Variants in FRMD4B observed in about 807,000 individuals in gnomAD.
FRMD4B encodes the protein FERM domain containing 4B.
In FRMD4B, 74 loss-of-function variants were observed where a neutral mutation model predicts 141.5. That is an observed-to-expected ratio of 0.52 (90% CI 0.43 to 0.63). The LOEUF (loss-of-function observed/expected upper bound fraction) is 0.63. Ranked by LOEUF, FRMD4B falls within the 30% of genes least tolerant of loss-of-function variation. The pLI is 0.00. For synonymous variants in FRMD4B, 506 were observed against 467.9 expected, an observed-to-expected ratio of 1.08 and a Z score of -1.05; for missense variants, 1,366 against 1,253.4, an observed-to-expected ratio of 1.09 and a Z score of -1.36.
intron 1 of FRMD4B, among the ~76,000 whole-genome samples, chr3:69,497,193 T>C (rs769681779): frequency 2.0e-5 from 3 of 152,208 alleles, no homozygotes; most frequent in African/African-American, 7.2e-5. Flanking sequence ...GAGAAAATAT[T>C]TGGAGCAGAG....
At chr3:69,535,024 A>G (rs1701064330) in intron 1 of FRMD4B, among the ~76,000 whole-genome samples, 1 of 152,254 alleles carries the variant, frequency 6.6e-6, no homozygotes, top group Admixed American at 6.5e-5. Context: ...CAGTCACTAC[A>G]TGAAACACTT....
rs535078608 is a variant in FRMD4B at position 69,218,400 on chromosome 3, T to C, written c.732-21A>G. 27 of 1,145,668 alleles carry C rather than the reference T, an allele frequency of 2.4e-5. No individual in the cohort carries two copies. The African/African-American group carries it at 3.7e-4, about 16-fold the overall frequency. The allele number at this position is 1,145,668 out of a possible 1,614,324, so 71.0% of individuals were successfully genotyped here. On this transcript the variant is annotated intron_variant, in intron 9 of 22. Transcript: ENST00000398540. ...TATACCTATGGAAAATAAATATGTA[T>C]CACAATCTTATTAAAATAGTTAGAG...
Position 69,217,997 on chromosome 3 carries a change from C to G in FRMD4B, c.789+325G>C, listed in dbSNP as rs577772804. Among the ~76,000 whole-genome samples the G allele has an allele frequency of 6.6e-5, 10 of 152,220 alleles. No homozygotes were observed. In the East Asian group the frequency reaches 9.7e-4, roughly 15 times the overall value. On this transcript the variant is annotated intron_variant, in intron 10 of 22. Coordinates refer to ENST00000398540, the MANE Select transcript of FRMD4B (RefSeq NM_015123.3). ...GTAAAAATTTCAGAATTTTATGAAG[C>G]TGTTGAAATAACGCTGGAGACTGCA... is the stretch of plus-strand genomic sequence containing the variant.
intron 1 of FRMD4B, among the ~76,000 whole-genome samples, chr3:69,511,313 A>AT (rs1343122115): frequency 1.3e-5 from 2 of 152,094 alleles, no homozygotes; most frequent in South Asian, 2.1e-4. Context: ...AGAATTTATA[A>AT]TTTTTTTAAT....
chr3:69,284,456 G>A (rs115551472), intron 5 of FRMD4B, among the ~76,000 whole-genome samples: 69 of 152,192 alleles, frequency 4.5e-4, no homozygotes, highest in African/African-American at 1.6e-3. Flanking sequence ...AGAGTACTCA[G>A]GAAGATCAGT....
intron 1 of FRMD4B, among the ~76,000 whole-genome samples, chr3:69,354,683 A>AATATAG (rs957031019): frequency 6.6e-6 from 1 of 152,158 alleles, no homozygotes; most frequent in Non-Finnish European, 1.5e-5. Context: ...CAGGTATCTA[A>AATATAG]ATATAGGGTG....
intron 1 of FRMD4B, among the ~76,000 whole-genome samples, chr3:69,488,231 A>G (rs1481133249): frequency 1.3e-5 from 2 of 152,194 alleles, no homozygotes; most frequent in Non-Finnish European, 2.9e-5. Flanking sequence ...CAGTCCTATA[A>G]GTAAACAACA....
At chr3:69,298,753 G>A (rs1701114417) in intron 4 of FRMD4B, among the ~76,000 whole-genome samples, 1 of 152,116 alleles carries the variant, frequency 6.6e-6, no homozygotes, top group African/African-American at 2.4e-5. Context: ...CCTTCTTTGA[G>A]AGGCCTTCCC....
chr3:69,220,791 T>C (rs2093186490), intron 9 of FRMD4B, among the ~76,000 whole-genome samples: 1 of 152,184 alleles, frequency 6.6e-6, no homozygotes, highest in Non-Finnish European at 1.5e-5. Context: ...GAGGTGGCAA[T>C]TGCAGTGAGA....
intron 2 of FRMD4B, among the ~76,000 whole-genome samples, chr3:69,394,820 G>A (rs1318474095): frequency 6.6e-6 from 1 of 152,142 alleles, no homozygotes; most frequent in Non-Finnish European, 1.5e-5. Flanking sequence ...TAAACACCAT[G>A]GAATACTATG....
intron 1 of FRMD4B, among the ~76,000 whole-genome samples, chr3:69,356,021 T>A (rs980062656): frequency 5.6e-5 from 5 of 89,770 alleles, no homozygotes; most frequent in African/African-American, 2.3e-4. Context: ...CAAGCAAGAT[T>A]CCATCTCAAA....
intron 1 of FRMD4B, among the ~76,000 whole-genome samples, chr3:69,476,883 G>A (rs1399933121): frequency 6.6e-6 from 1 of 152,090 alleles, no homozygotes; most frequent in Non-Finnish European, 1.5e-5. Flanking sequence ...ATTTCACTGA[G>A]CAGTGGTTTG....
chr3:69,336,213 G>A (rs1432151216), intron 1 of FRMD4B, among the ~76,000 whole-genome samples: 1 of 152,256 alleles, frequency 6.6e-6, no homozygotes, highest in African/African-American at 2.4e-5. Flanking sequence ...CAAGCTTAGA[G>A]TTAATGAGGG....
At chr3:69,268,959 G>A (rs1052257902) in intron 5 of FRMD4B, among the ~76,000 whole-genome samples, 5 of 141,858 alleles carry the variant, frequency 3.5e-5, no homozygotes, top group African/African-American at 8.0e-5. Context: ...ATGAAATTTC[G>A]CTCTTGTTGC....
intron 1 of FRMD4B, among the ~76,000 whole-genome samples, chr3:69,498,163 T>G (rs1292629017): frequency 6.6e-6 from 1 of 152,184 alleles, no homozygotes; most frequent in East Asian, 1.9e-4. Flanking sequence ...AAGAGAACAA[T>G]GCCTCCAGAG....
At chr3:69,487,602 C>T (rs577951957) in intron 1 of FRMD4B, among the ~76,000 whole-genome samples, 12 of 152,306 alleles carry the variant, frequency 7.9e-5, no homozygotes, top group African/African-American at 2.9e-4. Context: ...CCACAGGACT[C>T]ATAATCTGCT....
At chr3:69,434,896 A>G (rs1705237268) in intron 1 of FRMD4B, among the ~76,000 whole-genome samples, 1 of 152,220 alleles carries the variant, frequency 6.6e-6, no homozygotes, top group African/African-American at 2.4e-5. Flanking sequence ...GAAGGCTTAA[A>G]GTCCAAGATC....
intron 16 of FRMD4B, among the ~76,000 whole-genome samples, chr3:69,194,687 T>C (rs1168076266): frequency 1.3e-5 from 2 of 152,242 alleles, no homozygotes; most frequent in African/African-American, 2.4e-5. Context: ...GAAATGAGAC[T>C]TTAGAGAGGC....
rs1401645510 is a variant in FRMD4B at position 69,171,599 on chromosome 3, TC to T, written c.*261del. Reference sequence around the variant, plus strand: ...CTATTGATGAAGGCTTCACACTGAGTCCTCTCTTGGCAATACTTCAACATGT... The same window carrying T: ...CTATTGATGAAGGCTTCACACTGAGTCTCTCTTGGCAATACTTCAACATGT... On this transcript the variant is annotated 3_prime_UTR_variant, in exon 23 of 23. Coordinates refer to ENST00000398540, the MANE Select transcript of FRMD4B (RefSeq NM_015123.3). 8.5e-6 allele frequency: 3 copies of T among 352,178 alleles called. No homozygotes were observed. The highest frequency in any genetic ancestry group is 1.6e-5 in the Non-Finnish European group (3 of 190,724). The allele number at this position is 352,178 out of a possible 1,614,324, so 21.8% of individuals were successfully genotyped here. A position where few individuals can be genotyped will look rare whatever the true frequency, so the allele number is the denominator to read the frequency against.
Sources: allele counts gnomAD v4.1 joint callset (sites outside exome capture counted in the v4.1 genomes callset), GRCh38; gene constraint gnomAD v4.1.1; transcripts MANE v1.5; gene names NCBI Gene and HGNC (gene_info 2026-07-23, HGNC 2026-07-21).